CEP97: variants seen among roughly 807,000 people sequenced by gnomAD.
CEP97 encodes the protein centrosomal protein of 97 kDa.
A neutral mutation model predicts 73.1 loss-of-function variants in CEP97; 43 were observed. That is an observed-to-expected ratio of 0.59 (90% CI 0.46 to 0.76). The LOEUF (loss-of-function observed/expected upper bound fraction) is 0.76. Among genes scored for constraint, CEP97 ranks in the 30% least tolerant of loss-of-function variants. The pLI, the probability that CEP97 is intolerant of heterozygous loss-of-function variation, is 0.00. For synonymous variants in CEP97, 337 were observed against 370.0 expected (o/e 0.91, Z 1.02); for missense variants, 939 against 1,014.0 (o/e 0.93, Z 1.00).
intron 6 of CEP97, among the ~76,000 whole-genome samples, chr3:101,751,925 AT>A (rs1188329959): frequency 6.6e-6 from 1 of 152,056 alleles, no homozygotes; most frequent in South Asian, 2.1e-4. Flanking sequence ...TAAAGTTAAT[AT>A]TGTTATGTGT....
At chr3:101,724,746 A>C (rs768028749) in intron 1 of CEP97, 27 bp downstream of exon 1, 26 of 1,612,624 alleles carry the variant, frequency 1.6e-5, no homozygotes, top group Non-Finnish European at 2.1e-5. Flanking sequence ...CCCGAGTCCT[A>C]AGGTTTACTT....
chr3:101,745,161 A>G (rs1452290831), intron 6 of CEP97, among the ~76,000 whole-genome samples: 1 of 152,216 alleles, frequency 6.6e-6, no homozygotes, highest in Non-Finnish European at 1.5e-5. Context: ...ACAAAGCTAT[A>G]ACTCTATTGC....
intron 9 of CEP97, among the ~76,000 whole-genome samples, chr3:101,760,880 G>A (rs1057036696): frequency 1.3e-5 from 2 of 150,386 alleles, no homozygotes; most frequent in South Asian, 4.2e-4. Flanking sequence ...ATTTTTTTTT[G>A]AGATGGAGTC....
intron 6 of CEP97, among the ~76,000 whole-genome samples, chr3:101,755,190 G>A (rs1334214691): frequency 6.6e-6 from 1 of 151,928 alleles, no homozygotes; most frequent in African/African-American, 2.4e-5. Flanking sequence ...AAAATATTTG[G>A]CACCATTAGT....
At chr3:101,724,755 T>C (rs773659559) in intron 1 of CEP97, 36 bp downstream of exon 1, 4 of 1,608,858 alleles carry the variant, frequency 2.5e-6, no homozygotes, top group South Asian at 1.1e-5. Context: ...TAAGGTTTAC[T>C]TCACGGAGCT....
chr3:101,732,031 C>G, intron 5 of CEP97, 78 bp downstream of exon 5: 1 of 804,800 alleles, frequency 1.2e-6, no homozygotes, highest in South Asian at 1.5e-5. Flanking sequence ...TGTGAGCTTA[C>G]TTTTAGACTG....
At chr3:101,741,314 C>T (rs1472224738) in intron 6 of CEP97, among the ~76,000 whole-genome samples, 3 of 152,148 alleles carry the variant, frequency 2.0e-5, no homozygotes, top group African/African-American at 7.2e-5. Context: ...TGTAAAAACC[C>T]TGAAAGAAAA....
At position 101,733,366 on chromosome 3, in the gene CEP97, A is replaced by G. The variant is rs553340732; in HGVS notation, c.728+712A>G. 1.1e-4 allele frequency among the ~76,000 whole-genome samples: 16 copies of G among 152,050 alleles called. 1 individual carries two copies. Among genetic ancestry groups the G allele is most frequent in the African/African-American group, 3.4e-4 (14 of 41,480 alleles). On this transcript the variant is annotated intron_variant, in intron 6 of 10. Transcript: ENST00000341893. ...GTATTTTTTATTCATTTTATTTTCT[A>G]TTTTATCATCCAGCTCCAAATGCCA...
intron 4 of CEP97, 112 bp downstream of exon 4, chr3:101,729,049 G>T: frequency 7.5e-6 from 5 of 663,278 alleles, no homozygotes; most frequent in South Asian, 5.5e-5. Flanking sequence ...CTTTCTTTAT[G>T]ATAAGAATTA....
chr3:101,753,403 G>C (rs934832939), intron 6 of CEP97, among the ~76,000 whole-genome samples: 2 of 152,126 alleles, frequency 1.3e-5, no homozygotes, highest in Admixed American at 1.3e-4. Context: ...TCTCCAGCTG[G>C]GTGCTGGGAG....
intron 6 of CEP97, among the ~76,000 whole-genome samples, chr3:101,745,293 C>A (rs1938578270): frequency 6.6e-6 from 1 of 152,148 alleles, no homozygotes; most frequent in South Asian, 2.1e-4. Flanking sequence ...TGGGGTCTCA[C>A]ATTGTTGTCT....
chr3:101,752,301 G>A (rs1026979603), intron 6 of CEP97, among the ~76,000 whole-genome samples: 16 of 152,106 alleles, frequency 1.1e-4, no homozygotes, highest in Admixed American at 9.2e-4. Flanking sequence ...TGGGTAACCC[G>A]ACCTTTCTCT....
At chr3:101,736,514 A>G (rs1214336611) in intron 6 of CEP97, among the ~76,000 whole-genome samples, 2 of 152,244 alleles carry the variant, frequency 1.3e-5, no homozygotes, top group African/African-American at 2.4e-5. Context: ...ACAGGCAGCA[A>G]TCTTTGCTGT....
intron 10 of CEP97, among the ~76,000 whole-genome samples, chr3:101,763,532 G>A (rs1005910149): frequency 2.4e-4 from 37 of 152,066 alleles, no homozygotes; most frequent in African/African-American, 8.9e-4. Context: ...TTGAAAATAC[G>A]ACCTAGAAAA....
intron 7 of CEP97, among the ~76,000 whole-genome samples, chr3:101,755,985 G>A (rs576882086): frequency 2.6e-5 from 4 of 152,144 alleles, no homozygotes; most frequent in South Asian, 2.1e-4. Flanking sequence ...CTCCTGCTTC[G>A]GCCTCCTAAA....
chr3:101,735,736 C>T (rs1337315149), intron 6 of CEP97, among the ~76,000 whole-genome samples: 1 of 152,294 alleles, frequency 6.6e-6, no homozygotes, highest in East Asian at 1.9e-4. Context: ...GCCTACGCCA[C>T]CAGGGCCCTG....
At position 101,765,647 on chromosome 3, in the gene CEP97, A is replaced by AT. The variant is rs1939299577; in HGVS notation, c.*100dup. 1.1e-6 allele frequency: 1 copy of AT among 887,776 alleles called. No homozygotes were observed. The highest frequency in any genetic ancestry group is 1.7e-5 in the African/African-American group (1 of 58,800). The allele number at this position is 887,776 out of a possible 1,614,324, so 55.0% of individuals were successfully genotyped here. ...TGGAGGGAAATACTCCCTACCCCTA[A>AT]TTTTGTTACTACTTATATAGAATTT... On this transcript the variant is annotated 3_prime_UTR_variant, in exon 11 of 11. Coordinates refer to ENST00000341893, the MANE Select transcript of CEP97 (RefSeq NM_024548.4).
chr3:101,727,671 C>G (rs1937944781), intron 3 of CEP97, 130 bp downstream of exon 3: 3 of 661,464 alleles, frequency 4.5e-6, no homozygotes, highest in Non-Finnish European at 7.3e-6. Context: ...TTAAAATAAA[C>G]TAAAAATAAA....
chr3:101,758,475 A>T, intron 9 of CEP97, 52 bp downstream of exon 9: 1 of 1,590,332 alleles, frequency 6.3e-7, no homozygotes, highest in Non-Finnish European at 8.6e-7. Context: ...AGGGTGTTAG[A>T]TTCTTATAGT....
Sources: gnomAD v4.1 joint callset for allele counts (sites outside exome capture counted in the v4.1 genomes callset) on GRCh38, gnomAD v4.1.1 for gene constraint, MANE v1.5 for transcripts, NCBI Gene and HGNC (gene_info 2026-07-23, HGNC 2026-07-21) for gene names.